The following SPOCK1 variants were observed in gnomAD, a reference collection of about 807,000 sequenced individuals.
SPOCK1 encodes the protein testican-1.
In SPOCK1, 23 loss-of-function variants were observed where a neutral mutation model predicts 55.3. The ratio of observed to expected loss-of-function variants is 0.42; its 90% CI spans 0.30 to 0.59. SPOCK1 has a LOEUF of 0.59. Ranked by LOEUF, SPOCK1 falls within the 20% of genes least tolerant of loss-of-function variation. SPOCK1 has a pLI of 0.22. For missense variants in SPOCK1, 499 were observed against 552.5 expected, an observed-to-expected ratio of 0.90 and a Z score of 0.97; for synonymous variants, 226 against 221.0, an observed-to-expected ratio of 1.02 and a Z score of -0.20.
intron 2 of SPOCK1, among the ~76,000 whole-genome samples, chr5:137,408,842 G>C (rs1752153060): frequency 6.6e-6 from 1 of 152,168 alleles, no homozygotes; most frequent in African/African-American, 2.4e-5. Context: ...CTAGCTGCAT[G>C]GCCTTGCCCA....
chr5:137,365,132 G>GCTGCTCCC (rs773744731), intron 2 of SPOCK1: 1 of 152,528 alleles, frequency 6.6e-6, no homozygotes, highest in Non-Finnish European at 1.5e-5. Context: ...GCTTTCCACA[G>GCTGCTCCC]CTGCTCCCCT....
intron 3 of SPOCK1, among the ~76,000 whole-genome samples, chr5:137,201,628 A>G (rs1182598798): frequency 6.6e-6 from 1 of 152,226 alleles, no homozygotes; most frequent in Non-Finnish European, 1.5e-5. Context: ...CAACGTTAAC[A>G]TTTGAAAATA....
At chr5:137,369,015 G>A (rs913971454) in intron 2 of SPOCK1, among the ~76,000 whole-genome samples, 10 of 152,142 alleles carry the variant, frequency 6.6e-5, no homozygotes, top group African/African-American at 1.7e-4. Context: ...GCTTTAACTC[G>A]TTCTTTCCCA....
intron 3 of SPOCK1, among the ~76,000 whole-genome samples, chr5:137,182,295 C>T (rs1754984264): frequency 6.6e-6 from 1 of 152,176 alleles, no homozygotes; most frequent in Non-Finnish European, 1.5e-5. Flanking sequence ...TCACACACCA[C>T]CGGGTCTTTG....
chr5:137,358,390 A>AAAGGAAGGAAGGTAGG (rs1750863530), intron 2 of SPOCK1, among the ~76,000 whole-genome samples: 1 of 116,348 alleles, frequency 8.6e-6, no homozygotes, highest in Non-Finnish European at 1.8e-5. Flanking sequence ...TTCATGACGG[A>AAAGGAAGGAAGGTAGG]AAGGAAGGAA....
intron 2 of SPOCK1, among the ~76,000 whole-genome samples, chr5:137,285,203 T>A (rs1406322171): frequency 6.6e-6 from 1 of 152,214 alleles, no homozygotes; most frequent in Non-Finnish European, 1.5e-5. Context: ...TTGATTTTGG[T>A]CATTGCTTGT....
chr5:137,182,357 T>G (rs1561464082), intron 3 of SPOCK1, among the ~76,000 whole-genome samples: 1 of 152,178 alleles, frequency 6.6e-6, no homozygotes, highest in East Asian at 1.9e-4. Flanking sequence ...GAATCTTAAC[T>G]CATTCTTCAA....
chr5:137,483,209 T>C (rs1753985449), intron 2 of SPOCK1, among the ~76,000 whole-genome samples: 1 of 152,178 alleles, frequency 6.6e-6, no homozygotes, highest in Non-Finnish European at 1.5e-5. Context: ...GGTAGGCACC[T>C]GTAATCCCAG....
At chr5:137,330,228 C>G (rs534821516) in intron 2 of SPOCK1, among the ~76,000 whole-genome samples, 15 of 152,296 alleles carry the variant, frequency 9.8e-5, no homozygotes, top group African/African-American at 2.9e-4. Context: ...TCAGAGACCC[C>G]CCAGACACTG....
chr5:137,087,201 C>T (rs1561604398), intron 5 of SPOCK1, among the ~76,000 whole-genome samples: 1 of 152,154 alleles, frequency 6.6e-6, no homozygotes, highest in Non-Finnish European at 1.5e-5. Flanking sequence ...TGAACTGCAG[C>T]AGGGAGGTGT....
chr5:137,307,838 T>C (rs1260348700), intron 2 of SPOCK1, among the ~76,000 whole-genome samples: 3 of 152,328 alleles, frequency 2.0e-5, no homozygotes, highest in African/African-American at 7.2e-5. Context: ...ACTAGAACGC[T>C]GTGCTGCAGG....
chr5:137,326,333 T>A (rs1470012667), intron 2 of SPOCK1, among the ~76,000 whole-genome samples: 2 of 151,872 alleles, frequency 1.3e-5, no homozygotes, highest in African/African-American at 4.8e-5. Flanking sequence ...GCCAAAGGCA[T>A]TCGATTCTTA....
chr5:137,140,921 G>A (rs761461257), intron 3 of SPOCK1, among the ~76,000 whole-genome samples: 10 of 151,836 alleles, frequency 6.6e-5, no homozygotes, highest in South Asian at 2.1e-4. Flanking sequence ...CACCATACCC[G>A]GCTAATTTTT....
At chr5:137,420,679 T>TTC (rs1372996338) in intron 2 of SPOCK1, among the ~76,000 whole-genome samples, 3 of 152,230 alleles carry the variant, frequency 2.0e-5, no homozygotes. Context: ...TATTTGATTC[T>TTC]TCTCTCTTTT....
At chr5:137,401,915 A>G (rs1475851666) in intron 2 of SPOCK1, among the ~76,000 whole-genome samples, 1 of 152,024 alleles carries the variant, frequency 6.6e-6, no homozygotes, top group African/African-American at 2.4e-5. Context: ...TCTTTCTTTT[A>G]GGGGAAAGCT....
chr5:137,170,985 C>T lies in SPOCK1; in HGVS notation c.233-30291G>A, dbSNP rs529487970. ...AATCACTGTGCTGTGAGACTATGCC[C>T]ACAGTTAACCAGGTGAGAGACTGTC... is the stretch of plus-strand genomic sequence containing the variant. On this transcript the variant is annotated intron_variant, in intron 3 of 10. Transcript: ENST00000394945. Among the ~76,000 whole-genome samples the T allele has an allele frequency of 6.6e-5, 10 of 152,198 alleles. No homozygotes were observed. The East Asian group carries it at 1.7e-3, about 27-fold the overall frequency.
intron 2 of SPOCK1, among the ~76,000 whole-genome samples, chr5:137,302,556 AAC>A (rs1332113269): frequency 6.6e-6 from 1 of 151,460 alleles, no homozygotes; most frequent in Non-Finnish European, 1.5e-5. Flanking sequence ...CAGCCTGGGC[AAC>A]AGAGTGAGAC....
At chr5:137,035,949 A>G (rs955438833) in intron 6 of SPOCK1, among the ~76,000 whole-genome samples, 5 of 152,186 alleles carry the variant, frequency 3.3e-5, no homozygotes, top group African/African-American at 1.2e-4. Flanking sequence ...ATTGAGGCAG[A>G]GATGGAGCTG....
chr5:137,292,847 C>G (rs1757400009), intron 2 of SPOCK1, among the ~76,000 whole-genome samples: 1 of 152,190 alleles, frequency 6.6e-6, no homozygotes, highest in Non-Finnish European at 1.5e-5. Flanking sequence ...AAACACGAAA[C>G]TGGCACCATG....
Sources: gnomAD v4.1 joint callset for allele counts (sites outside exome capture counted in the v4.1 genomes callset) on GRCh38, gnomAD v4.1.1 for gene constraint, MANE v1.5 for transcripts, NCBI Gene and HGNC (gene_info 2026-07-23, HGNC 2026-07-21) for gene names.